SPPL3: variants seen among roughly 807,000 people sequenced by gnomAD.
SPPL3 encodes signal peptide peptidase-like 3.
In SPPL3, 5 loss-of-function variants were observed where a neutral mutation model predicts 42.4. That is an observed-to-expected ratio of 0.12 (90% confidence interval 0.06 to 0.25). The LOEUF (loss-of-function observed/expected upper bound fraction) is 0.25, where lower values mean the gene tolerates loss of function less well. SPPL3 is among the 10% of genes least tolerant of loss of function. The pLI is 1.00. For missense variants in SPPL3, 235 were observed against 489.0 expected, an observed-to-expected ratio of 0.48 and a Z score of 4.90; for synonymous variants, 195 against 181.8, an observed-to-expected ratio of 1.07 and a Z score of -0.58.
intron 1 of SPPL3, among the ~76,000 whole-genome samples, chr12:120,827,673 C>T (rs544870524): frequency 6.6e-6 from 1 of 152,218 alleles, no homozygotes; most frequent in African/African-American, 2.4e-5. Flanking sequence ...CTTGTGCCCC[C>T]CAGCCTCAGC....
chr12:120,877,263 G>A (rs1265139423), intron 1 of SPPL3, among the ~76,000 whole-genome samples: 1 of 152,096 alleles, frequency 6.6e-6, no homozygotes, highest in Non-Finnish European at 1.5e-5. Flanking sequence ...TCCAAGTCCA[G>A]ATGACTTCAC....
chr12:120,900,993 A>G (rs557854392), intron 1 of SPPL3, among the ~76,000 whole-genome samples: 5 of 152,156 alleles, frequency 3.3e-5, no homozygotes, highest in Non-Finnish European at 7.4e-5. Flanking sequence ...TGACAAAGAT[A>G]ACTGCAAAAT....
chr12:120,768,314 T>A lies in SPPL3; in HGVS notation c.773+11A>T. 6.2e-7 allele frequency: 1 copy of A among 1,609,824 alleles called. No individual in the cohort carries two copies. Among genetic ancestry groups the A allele is most frequent in the Non-Finnish European group, 8.5e-7 (1 of 1,177,302 alleles). On this transcript the variant is annotated intron_variant, in intron 8 of 10. Coordinates refer to ENST00000353487, the MANE Select transcript of SPPL3 (RefSeq NM_139015.5). ...AAGACAGTGTGGTCCTGTCATAGCA[T>A]GAGGTCTTACCTTGGGAAGACCAGT... is the stretch of plus-strand genomic sequence containing the variant.
At chr12:120,868,981 T>A (rs762403195) in intron 1 of SPPL3, among the ~76,000 whole-genome samples, 14 of 152,108 alleles carry the variant, frequency 9.2e-5, no homozygotes, top group Non-Finnish European at 2.1e-4. Context: ...AAATTTTAAG[T>A]CTCTTCATTA....
chr12:120,887,030 G>A (rs1266963041), intron 1 of SPPL3, among the ~76,000 whole-genome samples: 1 of 151,524 alleles, frequency 6.6e-6, no homozygotes, highest in Non-Finnish European at 1.5e-5. Context: ...CTGGAATGCA[G>A]TGGCACGATC....
chr12:120,765,988 T>G (rs1290267386), intron 10 of SPPL3, among the ~76,000 whole-genome samples: 1 of 152,112 alleles, frequency 6.6e-6, no homozygotes, highest in Non-Finnish European at 1.5e-5. Flanking sequence ...CTCTGGGGCT[T>G]TCAATTAGTT....
At chr12:120,849,690 AGT>A (rs1432962328) in intron 1 of SPPL3, among the ~76,000 whole-genome samples, 1 of 152,142 alleles carries the variant, frequency 6.6e-6, no homozygotes, top group Non-Finnish European at 1.5e-5. Flanking sequence ...AAGCTTGACT[AGT>A]GCACAATACA....
intron 9 of SPPL3, 151 bp from the exon 10 acceptor site, chr12:120,766,523 A>G (rs1868914167): frequency 1.8e-6 from 1 of 560,096 alleles, no homozygotes; most frequent in East Asian, 3.2e-5. Context: ...CAGTTGAAGA[A>G]ATGTGGATCA....
At chr12:120,872,604 G>C (rs1361559880) in intron 1 of SPPL3, among the ~76,000 whole-genome samples, 1 of 152,184 alleles carries the variant, frequency 6.6e-6, no homozygotes, top group East Asian at 1.9e-4. Flanking sequence ...GGCTCCGGAG[G>C]TCTGGCAGAA....
At chr12:120,888,095 A>G (rs1555254470) in intron 1 of SPPL3, among the ~76,000 whole-genome samples, 1 of 152,180 alleles carries the variant, frequency 6.6e-6, no homozygotes, top group Non-Finnish European at 1.5e-5. Context: ...TGGTTTTTTT[A>G]GACAGAGTCT....
At chr12:120,815,785 G>A (rs762180682) in intron 1 of SPPL3, among the ~76,000 whole-genome samples, 2 of 151,934 alleles carry the variant, frequency 1.3e-5, no homozygotes, top group Non-Finnish European at 2.9e-5. Flanking sequence ...GGAGTGCAAC[G>A]GTGCGATCTC....
At position 120,826,558 on chromosome 12, in the gene SPPL3, G is replaced by T. The variant is rs116646190; in HGVS notation, c.24-15672C>A. Among the ~76,000 whole-genome samples the T allele has an allele frequency of 5.9e-3, 892 of 152,234 alleles. 11 individuals are homozygous for T. Among genetic ancestry groups the T allele is most frequent in the African/African-American group, 0.019 (807 of 41,542 alleles). ...ACAGCACCACCAAACAGTGCCAGGG[G>T]AAACCTGTTCAGTGTTACACAGCCT... On this transcript the variant is annotated intron_variant, in intron 1 of 10. Coordinates refer to ENST00000353487, the MANE Select transcript of SPPL3 (RefSeq NM_139015.5).
In SPPL3 at chr12:120,767,494, T is replaced by G. The variant is rs778514783; in HGVS notation, c.873A>C (p.Gln291His). The change falls in exon 9 of 11, where the codon CAA becomes CAC. Residue 291 changes from glutamine (Q) to histidine (H), a missense_variant. Physicochemically the swap from Gln to His is conservative, Grantham distance 24. Transcript: ENST00000353487. ...GGGCCCCACAGGAGTCCCCACTGGC[T>G]TGCTTTTTGTAGTTGTCATAGCGAA... ...FVLRYDNYKK[Q>H]ASGDSCGAPG... 1.7e-5 allele frequency: 28 copies of G among 1,614,194 alleles called. No homozygotes were observed. The highest frequency in any genetic ancestry group is 2.3e-5 in the Non-Finnish European group (27 of 1,180,044).
At chr12:120,872,988 A>G (rs140309605) in intron 1 of SPPL3, among the ~76,000 whole-genome samples, 12 of 152,344 alleles carry the variant, frequency 7.9e-5, no homozygotes, top group Non-Finnish European at 1.3e-4. Flanking sequence ...AGTGAAAAAG[A>G]CCCATATCCA....
At position 120,766,100 on chromosome 12, in the gene SPPL3, GCACACACACACACACACACACACA is replaced by G. The variant is rs111837123; in HGVS notation, c.1083+139_1083+162del. Among the ~76,000 whole-genome samples the G allele has an allele frequency of 1.8e-3, 154 of 84,142 alleles. No individual in the cohort carries two copies. In the Middle Eastern group the frequency reaches 0.023, roughly 13 times the overall value. 55.2% of individuals were successfully genotyped at this position (84,142 alleles called of 152,430 possible). On this transcript the variant is annotated intron_variant, in intron 10 of 10. Coordinates refer to ENST00000353487, the MANE Select transcript of SPPL3 (RefSeq NM_139015.5). ...GCTAACGCCAGGGTAGCGCGCGCGC[GCACACACACACACACACACACACA>G]CACACACACACACACACAGTCGAGA...
chr12:120,774,432 C>G, intron 6 of SPPL3, among the ~76,000 whole-genome samples: 1 of 152,250 alleles, frequency 6.6e-6, no homozygotes, highest in East Asian at 1.9e-4. Context: ...CAGAGTGGAG[C>G]TGAGCACCAT....
chr12:120,886,935 T>C (rs546029142), intron 1 of SPPL3, among the ~76,000 whole-genome samples: 6 of 152,254 alleles, frequency 3.9e-5, no homozygotes, highest in Non-Finnish European at 7.4e-5. Context: ...AGTTAAAATG[T>C]CTCATTAATT....
intron 8 of SPPL3, 113 bp from the exon 9 acceptor site, chr12:120,767,706 G>T: frequency 9.7e-7 from 1 of 1,034,256 alleles, no homozygotes; most frequent in African/African-American, 1.6e-5. Context: ...CTGCATGGCA[G>T]ATGGAAATCT....
intron 3 of SPPL3, among the ~76,000 whole-genome samples, 187 bp from the exon 4 acceptor site, chr12:120,784,780 C>A (rs917367431): frequency 1.3e-5 from 2 of 151,984 alleles, no homozygotes; most frequent in African/African-American, 2.4e-5. Flanking sequence ...CTTCATGGTG[C>A]CTTTCATTAC....
Sources: gnomAD v4.1 joint callset for allele counts (sites outside exome capture counted in the v4.1 genomes callset) on GRCh38, gnomAD v4.1.1 for gene constraint, MANE v1.5 for transcripts, NCBI Gene and HGNC (gene_info 2026-07-23, HGNC 2026-07-21) for gene names.